The following NCOA2 variants were observed in gnomAD, a reference collection of about 807,000 sequenced individuals.
NCOA2 encodes the protein nuclear receptor coactivator 2.
A neutral mutation model predicts 145.1 loss-of-function variants in NCOA2; 21 were observed. That is an observed-to-expected ratio of 0.14 (90% confidence interval 0.10 to 0.21). NCOA2 has a LOEUF of 0.21. Ranked by LOEUF, NCOA2 falls within the 10% of genes least tolerant of loss-of-function variation. The pLI is 1.00. For synonymous variants in NCOA2, 619 were observed against 637.5 expected (o/e 0.97, Z 0.44); for missense variants, 1,472 against 1,837.6 (o/e 0.80, Z 3.64).
intron 18 of NCOA2, among the ~76,000 whole-genome samples, chr8:70,128,123 A>G (rs779286759): frequency 1.3e-5 from 2 of 152,374 alleles, no homozygotes; most frequent in Non-Finnish European, 2.9e-5. Context: ...TGTTGTGACC[A>G]GAGGTCTGCA....
intron 1 of NCOA2, among the ~76,000 whole-genome samples, chr8:70,352,345 G>A (rs561603833): frequency 6.6e-6 from 1 of 152,196 alleles, no homozygotes; most frequent in African/African-American, 2.4e-5. Flanking sequence ...GACAAAATTG[G>A]AACGCAGTTC....
the NCOA2 span, among the ~76,000 whole-genome samples, chr8:70,423,912 G>A: frequency 2.6e-5 from 4 of 152,144 alleles, no homozygotes; most frequent in African/African-American, 4.8e-5. Flanking sequence ...CCTCAGCTCC[G>A]ATCTCGATCT....
chr8:70,307,427 G>A (rs80081480), intron 1 of NCOA2, among the ~76,000 whole-genome samples: 1 of 152,162 alleles, frequency 6.6e-6, no homozygotes, highest in African/African-American at 2.4e-5. Flanking sequence ...CAAACTGGGG[G>A]TCCCAGAGAC....
chr8:70,421,028 G>T, the NCOA2 span, among the ~76,000 whole-genome samples: 1 of 151,916 alleles, frequency 6.6e-6, no homozygotes, highest in Admixed American at 6.6e-5. Context: ...ACTTTGAAAA[G>T]GAAAAAATAT....
rs180724674 is a variant in NCOA2, at chr8:70,401,578, G to A, written c.-77+2122C>T. ...TTTTTTTAATGACATCCCCAATGCCGAAGTTTCAAGTACACTTTGGGAACT... is the reference window on the plus strand; with the variant it reads ...TTTTTTTAATGACATCCCCAATGCCAAAGTTTCAAGTACACTTTGGGAACT... On this transcript the variant is annotated intron_variant, in intron 1 of 22. Coordinates refer to ENST00000452400, the MANE Select transcript of NCOA2 (RefSeq NM_006540.4). Among the ~76,000 whole-genome samples, 13 of 151,688 alleles carry A rather than the reference G, an allele frequency of 8.6e-5. No individual in the cohort carries two copies. The East Asian group carries it at 1.2e-3, about 14-fold the overall frequency.
At chr8:70,119,589 C>T (rs1178016274) in intron 22 of NCOA2, among the ~76,000 whole-genome samples, 1 of 152,198 alleles carries the variant, frequency 6.6e-6, no homozygotes, top group African/African-American at 2.4e-5. Flanking sequence ...AGTGTGACTC[C>T]TGGATCAAAT....
Position 70,364,828 on chromosome 8 carries a change from TG to T in NCOA2, c.-77+38871del, listed in dbSNP as rs1310076703. Among the ~76,000 whole-genome samples the T allele has an allele frequency of 4.9e-5, 7 of 143,218 alleles. No homozygotes were observed. In the East Asian group the frequency reaches 8.4e-4, roughly 17 times the overall value. 94.0% of individuals were successfully genotyped at this position (143,218 alleles called of 152,430 possible). A position where few individuals can be genotyped will look rare whatever the true frequency, so the allele number is the denominator to read the frequency against. On this transcript the variant is annotated intron_variant, in intron 1 of 22. Coordinates refer to ENST00000452400, the MANE Select transcript of NCOA2 (RefSeq NM_006540.4). The stretch of plus-strand genomic sequence containing the variant: ...ACCAGTTCTATAAAGTAAAAAGGTT[TG>T]TTTTTTTTTTTTTTTCCCCCAGTCT...
chr8:70,433,745 G>A, the NCOA2 span, among the ~76,000 whole-genome samples: 1 of 152,324 alleles, frequency 6.6e-6, no homozygotes, highest in Admixed American at 6.5e-5. Flanking sequence ...TTGGTCACTC[G>A]CTGAATGTGA....
the NCOA2 span, among the ~76,000 whole-genome samples, chr8:70,416,920 T>C: frequency 6.6e-6 from 1 of 152,214 alleles, no homozygotes; most frequent in Non-Finnish European, 1.5e-5. Context: ...CCACAGCAGA[T>C]GTTAAGTTGA....
At chr8:70,266,373 CT>C in intron 2 of NCOA2, among the ~76,000 whole-genome samples, 1 of 152,316 alleles carries the variant, frequency 6.6e-6, no homozygotes, top group South Asian at 2.1e-4. Flanking sequence ...GGTAATGTCA[CT>C]TGTTAGCTCC....
At chr8:70,219,597 A>T (rs1376823202) in intron 2 of NCOA2, among the ~76,000 whole-genome samples, 1 of 152,080 alleles carries the variant, frequency 6.6e-6, no homozygotes, top group Non-Finnish European at 1.5e-5. Context: ...AATCACTGCA[A>T]ATCACCCATA....
At chr8:70,398,302 A>G (rs142179716) in intron 1 of NCOA2, among the ~76,000 whole-genome samples, 445 of 152,184 alleles carry the variant, frequency 2.9e-3, no homozygotes, top group Admixed American at 5.2e-3. Flanking sequence ...TACAAAAAAT[A>G]TCAAAAATTA....
the NCOA2 span, among the ~76,000 whole-genome samples, chr8:70,448,938 G>A: frequency 2.6e-5 from 4 of 151,858 alleles, no homozygotes; most frequent in African/African-American, 9.7e-5. Flanking sequence ...CTGAGCAGCT[G>A]AGACACAGGT....
Position 70,382,241 on chromosome 8 carries a change from T to G in NCOA2, c.-77+21459A>C, listed in dbSNP as rs1018403635. Among the ~76,000 whole-genome samples the G allele has an allele frequency of 8.6e-5, 13 of 151,978 alleles. 1 individual carries two copies. Among genetic ancestry groups the G allele is most frequent in the Admixed American group, 7.9e-4 (12 of 15,254 alleles). On this transcript the variant is annotated intron_variant, in intron 1 of 22. Transcript: ENST00000452400. Reference sequence around the variant, plus strand: ...AGGGCCGAAGCTGCTAAAAAAGGCTTCTTCTAAGAAAAGTCAGTGCCCCGA... The same window carrying G: ...AGGGCCGAAGCTGCTAAAAAAGGCTGCTTCTAAGAAAAGTCAGTGCCCCGA...
chr8:70,344,113 T>C (rs1808388543), intron 1 of NCOA2, among the ~76,000 whole-genome samples: 2 of 152,186 alleles, frequency 1.3e-5, no homozygotes, highest in South Asian at 4.1e-4. Context: ...ATACTTACAG[T>C]TCTACAAGGA....
chr8:70,160,422 T>C (rs10957515), intron 9 of NCOA2, among the ~76,000 whole-genome samples: 1 of 152,168 alleles, frequency 6.6e-6, no homozygotes, highest in Admixed American at 6.5e-5. Context: ...CTTAAAAGAA[T>C]TGAGATTTAT....
chr8:70,138,219 A>G lies in NCOA2; in HGVS notation c.3142T>C (p.Phe1048Leu), dbSNP rs757157768. 5 of 1,613,032 alleles carry G rather than the reference A, an allele frequency of 3.1e-6. No individual in the cohort carries two copies. The African/African-American group carries it at 5.3e-5, about 17-fold the overall frequency. The change falls in exon 15 of 23, where the codon TTT becomes CTT. Residue 1048 changes from phenylalanine to leucine, a missense_variant. Transcript: ENST00000452400. ...AGGACTCACCTGTTTTGGCTGGCAA[A>G]AGACGCCTGGTCTATAGGCAGGATG... is the stretch of plus-strand genomic sequence containing the variant. ...ESILPIDQASFASQNRQPFGS... is the reference protein window; with the variant it reads ...ESILPIDQASLASQNRQPFGS...
At chr8:70,200,975 G>A (rs778899981) in intron 4 of NCOA2, among the ~76,000 whole-genome samples, 2 of 139,422 alleles carry the variant, frequency 1.4e-5, no homozygotes, top group Non-Finnish European at 3.0e-5. Context: ...TTGAGCCCAG[G>A]AAGTCAAGGG....
At chr8:70,337,368 A>T (rs1296323436) in intron 1 of NCOA2, among the ~76,000 whole-genome samples, 1 of 152,154 alleles carries the variant, frequency 6.6e-6, no homozygotes, top group Non-Finnish European at 1.5e-5. Flanking sequence ...CAAAGGAAAG[A>T]ATTTGGACGC....
Sources: gnomAD v4.1 joint callset for allele counts (sites outside exome capture counted in the v4.1 genomes callset) on GRCh38, gnomAD v4.1.1 for gene constraint, MANE v1.5 for transcripts, NCBI Gene and HGNC (gene_info 2026-07-23, HGNC 2026-07-21) for gene names.